OLFM1: variants seen among roughly 807,000 people sequenced by gnomAD.
The protein encoded by OLFM1 is noelin.
In OLFM1, 9 loss-of-function variants were observed where a neutral mutation model predicts 49.7. That is an observed-to-expected ratio of 0.18 (90% CI 0.11 to 0.32). OLFM1 has a LOEUF of 0.32. Among genes scored for constraint, OLFM1 ranks in the 10% least tolerant of loss-of-function variants. The probability of loss-of-function intolerance (pLI) is 1.00; values close to 1 mark genes in which losing one functional copy is unlikely to be tolerated. For missense variants in OLFM1, 369 were observed against 661.8 expected, an observed-to-expected ratio of 0.56 and a Z score of 4.85; for synonymous variants, 240 against 271.8, an observed-to-expected ratio of 0.88 and a Z score of 1.15.
chr9:135,118,783 AGTGCTCGCCG>A (rs1831138176), intron 5 of OLFM1, among the ~76,000 whole-genome samples: 1 of 142,914 alleles, frequency 7.0e-6, no homozygotes, highest in Admixed American at 6.9e-5. Context: ...GTGTCTTTGG[AGTGCTCGCCG>A]TGTCTTTGGA....
intron 4 of OLFM1, among the ~76,000 whole-genome samples, chr9:135,104,408 C>T (rs537587909): frequency 7.7e-4 from 117 of 152,306 alleles, no homozygotes; most frequent in African/African-American, 2.5e-3. Flanking sequence ...GGTCTCCTTC[C>T]GGTAGGTCAT....
In OLFM1 at chr9:135,088,326, T is replaced by A. The variant is rs1056514091; in HGVS notation, c.150+187T>A. The stretch of plus-strand genomic sequence containing the variant: ...CAGCGGTGGCGACCCTGCTCCCCGC[T>A]CCCCCAGCCTGGGCCACTCCATCTC... On this transcript the variant is annotated intron_variant, in intron 1 of 5. Transcript: ENST00000371793. This position sits in a 1 kb window ranked among gnomAD's most constrained non-coding sequence, Gnocchi z 4.8. 6.6e-6 allele frequency among the ~76,000 whole-genome samples: 1 copy of A among 151,240 alleles called. No individual in the cohort carries two copies. Among genetic ancestry groups the A allele is most frequent in the African/African-American group, 2.4e-5 (1 of 41,046 alleles).
upstream of OLFM1, chr9:135,086,639 C>T (rs1830600646): frequency 2.2e-6 from 1 of 456,098 alleles, no homozygotes; most frequent in Non-Finnish European, 4.4e-6. Context: ...CTTTCATCTC[C>T]GATTAGAAGC....
At chr9:135,100,804 A>G (rs1423892000) in intron 4 of OLFM1, among the ~76,000 whole-genome samples, 1 of 152,208 alleles carries the variant, frequency 6.6e-6, no homozygotes, top group Non-Finnish European at 1.5e-5. Flanking sequence ...GAAGTCCTTC[A>G]GATCCTGAGC....
intron 2 of OLFM1, 42 bp downstream of exon 2, chr9:135,090,386 T>TGTTTGTG (rs1554752667): frequency 3.9e-4 from 472 of 1,203,776 alleles, no homozygotes; most frequent in African/African-American, 2.9e-3. Flanking sequence ...GTGTGTGTGT[T>TGTTTGTG]TGTGTGTGTG....
rs1830473526 is a variant in OLFM1, at chr9:135,076,892, G to A, written c.96+1090G>A. On this transcript the variant is annotated intron_variant, in intron 1 of 5. Transcript: ENST00000252854. ...CCACAGGAGAGAAGACACTGAACGA[G>A]CTTCCCTTGTTTTGCCTGGAAGCCC... 2.6e-6 allele frequency: 4 copies of A among 1,550,546 alleles called. No individual in the cohort carries two copies. In the Admixed American group the frequency reaches 7.8e-5, roughly 30 times the overall value.
intron 4 of OLFM1, among the ~76,000 whole-genome samples, chr9:135,105,018 C>T (rs1166659808): frequency 1.3e-5 from 2 of 152,098 alleles, no homozygotes; most frequent in African/African-American, 2.4e-5. Flanking sequence ...CTTTCTTCTG[C>T]TGCTTCTCCT....
Position 135,108,360 on chromosome 9 carries a change from A to G in OLFM1, c.783+1505A>G, listed in dbSNP as rs138805513. 7.2e-3 allele frequency among the ~76,000 whole-genome samples: 1,100 copies of G among 152,320 alleles called. 10 individuals are homozygous for G. Among genetic ancestry groups the G allele is most frequent in the African/African-American group, 0.023 (940 of 41,564 alleles). On this transcript the variant is annotated intron_variant, in intron 5 of 5. Coordinates refer to ENST00000371793, the MANE Select transcript of OLFM1 (RefSeq NM_001282611.2). The stretch of plus-strand genomic sequence containing the variant: ...AGGCACTTAGAAAGCAGGCCCGGGC[A>G]CAGTGGCTCACACCTGTAATCCCAG...
intron 2 of OLFM1, among the ~76,000 whole-genome samples, chr9:135,093,590 C>G (rs1042668644): frequency 3.3e-5 from 5 of 152,142 alleles, no homozygotes; most frequent in African/African-American, 4.8e-5. Context: ...GTGTTGCTGG[C>G]CCCCCTCCCG....
rs1247083233 is a variant in OLFM1 at position 135,088,632 on chromosome 9, AG to A, written c.150+494del. Among the ~76,000 whole-genome samples the A allele has an allele frequency of 6.6e-6, 1 of 151,590 alleles. No individual in the cohort carries two copies. The highest frequency in any genetic ancestry group is 3.2e-3 in the Middle Eastern group (1 of 312). ...GCCAGACTGGCCGGACCGGGCTGGG[AG>A]TGGGGCCCCAGCCGGTGGGCTCCGG... is the stretch of plus-strand genomic sequence containing the variant. On this transcript the variant is annotated intron_variant, in intron 1 of 5. Coordinates refer to ENST00000371793, the MANE Select transcript of OLFM1 (RefSeq NM_001282611.2). This position sits in a 1 kb window ranked among gnomAD's most constrained non-coding sequence, Gnocchi z 4.8.
At chr9:135,093,590 C>T (rs1042668644) in intron 2 of OLFM1, among the ~76,000 whole-genome samples, 1 of 152,142 alleles carries the variant, frequency 6.6e-6, no homozygotes, top group African/African-American at 2.4e-5. Context: ...GTGTTGCTGG[C>T]CCCCCTCCCG....
intron 4 of OLFM1, among the ~76,000 whole-genome samples, chr9:135,099,735 T>C (rs1422998076): frequency 6.6e-6 from 1 of 152,222 alleles, no homozygotes; most frequent in African/African-American, 2.4e-5. Context: ...GGCTGCTAAC[T>C]GCATTCTTTC....
chr9:135,075,641 CG>C, exon 1 of OLFM1: 1 of 1,184,046 alleles, frequency 8.4e-7, no homozygotes. Context: ...CCAGCGGAGC[CG>C]GGGCCAGAGC....
At chr9:135,085,493 T>C (rs1830585321), upstream of OLFM1, among the ~76,000 whole-genome samples, 1 of 152,168 alleles carries the variant, frequency 6.6e-6, no homozygotes, top group Non-Finnish European at 1.5e-5. Context: ...TACAGTGGAG[T>C]CAATGCCACC....
chr9:135,089,148 C>A (rs1001888918), intron 1 of OLFM1, among the ~76,000 whole-genome samples: 2 of 152,208 alleles, frequency 1.3e-5, no homozygotes, highest in Non-Finnish European at 2.9e-5. Flanking sequence ...CTCTTGAGGC[C>A]GCCCTCCCTG....
intron 4 of OLFM1, among the ~76,000 whole-genome samples, chr9:135,102,185 G>A (rs1311473741): frequency 1.3e-5 from 2 of 152,306 alleles, no homozygotes; most frequent in African/African-American, 4.8e-5. Context: ...CATAGTGCTT[G>A]GCTCTGGCAC....
chr9:135,086,344 C>T (rs750229994), upstream of OLFM1, among the ~76,000 whole-genome samples: 1 of 152,218 alleles, frequency 6.6e-6, no homozygotes, highest in African/African-American at 2.4e-5. Flanking sequence ...ATTTAACTAG[C>T]GGGTCTCACA....
chr9:135,095,960 G>A lies in OLFM1; in HGVS notation c.397G>A (p.Glu133Lys), dbSNP rs776493913. ...EKMENQMKGLESKFKQVEESH... is the reference protein window; with the variant it reads ...EKMENQMKGLKSKFKQVEESH... ...GATGGAGAACCAAATGAAAGGACTG[G>A]AGTCCAAGTTCAAACAGGTGGAGGA... is the stretch of plus-strand genomic sequence containing the variant. The change falls in exon 3 of 6, where the codon GAG becomes AAG. Residue 133 changes from glutamate to lysine, a missense_variant. Glu to Lys is a moderately conservative substitution (Grantham distance 56, BLOSUM62 1). Transcript: ENST00000371793. 1.9e-6 allele frequency: 3 copies of A among 1,604,020 alleles called. No individual in the cohort carries two copies. Among genetic ancestry groups the A allele is most frequent in the Admixed American group, 3.4e-5 (2 of 59,008 alleles).
At chr9:135,114,518 A>G (rs1172087308) in intron 5 of OLFM1, among the ~76,000 whole-genome samples, 2 of 152,008 alleles carry the variant, frequency 1.3e-5, no homozygotes, top group East Asian at 3.9e-4. Context: ...TCAGTCTACT[A>G]TAAGAGTGGA....
Sources: allele counts gnomAD v4.1 joint callset (sites outside exome capture counted in the v4.1 genomes callset), GRCh38; gene constraint gnomAD v4.1.1; non-coding constraint Gnocchi (gnomAD v3.1); transcripts MANE v1.5; gene names NCBI Gene and HGNC (gene_info 2026-07-23, HGNC 2026-07-21).